The following EIF2AK3 variants were observed in gnomAD, a reference collection of about 807,000 sequenced individuals.
EIF2AK3 encodes the protein eukaryotic translation initiation factor 2 alpha kinase 3.
In EIF2AK3, 50 loss-of-function variants were observed where a neutral mutation model predicts 113.5. The ratio of observed to expected loss-of-function variants is 0.44; its 90% confidence interval spans 0.35 to 0.56. The LOEUF (loss-of-function observed/expected upper bound fraction) is 0.56. EIF2AK3 is among the 20% of genes least tolerant of loss of function. The pLI, the probability that EIF2AK3 is intolerant of heterozygous loss-of-function variation, is 0.00. For synonymous variants in EIF2AK3, 448 were observed against 495.4 expected, an observed-to-expected ratio of 0.90 and a Z score of 1.27; for missense variants, 1,185 against 1,378.0, an observed-to-expected ratio of 0.86 and a Z score of 2.22.
chr2:88,590,021 T>A (rs916969228), intron 6 of EIF2AK3, among the ~76,000 whole-genome samples: 1 of 152,156 alleles, frequency 6.6e-6, no homozygotes, highest in African/African-American at 2.4e-5. Context: ...GTGGATCACC[T>A]GAGGTCAGGT....
intron 13 of EIF2AK3, among the ~76,000 whole-genome samples, chr2:88,573,488 T>C (rs1362768801): frequency 1.3e-5 from 2 of 152,176 alleles, no homozygotes; most frequent in African/African-American, 2.4e-5. Context: ...ACCTAACTGC[T>C]AGTATTCTCT....
In EIF2AK3 at chr2:88,586,735, A is replaced by G. The variant is rs143661179; in HGVS notation, c.1430-674T>C. On this transcript the variant is annotated intron_variant, in intron 8 of 16. Coordinates refer to ENST00000303236, the MANE Select transcript of EIF2AK3 (RefSeq NM_004836.7). ...GCCTCCTGAGCAGCTGGGACTACAC[A>G]TGTGTACCACAATGCCTGGCTAATT... 2.6e-4 allele frequency among the ~76,000 whole-genome samples: 39 copies of G among 150,858 alleles called. 3 individuals are homozygous for G. The East Asian group carries it at 6.9e-3, about 27-fold the overall frequency.
intron 1 of EIF2AK3, among the ~76,000 whole-genome samples, chr2:88,625,284 TACACACACAC>T (rs375827301): frequency 8.4e-4 from 114 of 135,254 alleles, no homozygotes; most frequent in Admixed American, 1.6e-3. Context: ...ATCGCTTACG[TACACACACAC>T]ACACACACAC....
chr2:88,587,034 G>A (rs1344479880), intron 8 of EIF2AK3, among the ~76,000 whole-genome samples: 5 of 150,352 alleles, frequency 3.3e-5, no homozygotes, highest in East Asian at 2.0e-4. Flanking sequence ...GTGAAACCCC[G>A]TCTCTACTAA....
intron 14 of EIF2AK3, among the ~76,000 whole-genome samples, chr2:88,565,343 C>CTT (rs61470556): frequency 1.8e-4 from 22 of 124,394 alleles, no homozygotes; most frequent in Non-Finnish European, 3.1e-4. Context: ...GCCAAAAAAA[C>CTT]TTTTTTTTTT....
At position 88,570,950 on chromosome 2, in the gene EIF2AK3, G is replaced by A. The variant is rs751166753; in HGVS notation, c.2909C>T (p.Thr970Met). The A allele has an allele frequency of 1.6e-5, 26 of 1,613,994 alleles. No individual in the cohort carries two copies. Among genetic ancestry groups the A allele is most frequent in the African/African-American group, 6.7e-5 (5 of 74,890 alleles). Residue 970 changes from threonine (T) to methionine (M), a missense_variant, in exon 14 of 17, where the codon ACG (threonine) becomes ATG (methionine). Coordinates refer to ENST00000303236, the MANE Select transcript of EIF2AK3 (RefSeq NM_004836.7). ...TAMDQDEEEQ[T>M]VLTPMPAYAR... ...ATAAGCTGGCATTGGGGTCAGAACC[G>A]TCTGCTCTTCCTCATCCTGGTCCAT...
intron 1 of EIF2AK3, among the ~76,000 whole-genome samples, chr2:88,614,830 TC>T (rs1424145862): frequency 4.6e-5 from 7 of 152,204 alleles, no homozygotes; most frequent in Non-Finnish European, 8.8e-5. Context: ...TTAAAGTCAA[TC>T]TTCTCCCCTT....
chr2:88,590,245 C>T (rs1478181199), intron 6 of EIF2AK3, among the ~76,000 whole-genome samples, 198 bp downstream of exon 6: 1 of 151,878 alleles, frequency 6.6e-6, no homozygotes, highest in Non-Finnish European at 1.5e-5. Flanking sequence ...CCAACAACAA[C>T]AAAAAAATTT....
At chr2:88,568,571 A>G (rs1392918440) in intron 14 of EIF2AK3, among the ~76,000 whole-genome samples, 1 of 152,246 alleles carries the variant, frequency 6.6e-6, no homozygotes, top group African/African-American at 2.4e-5. Flanking sequence ...TTTATGCTCC[A>G]TACCAAAGTA....
intron 12 of EIF2AK3, 75 bp from the exon 13 acceptor site, chr2:88,575,521 T>C: frequency 6.5e-7 from 1 of 1,533,502 alleles, no homozygotes; most frequent in Non-Finnish European, 8.9e-7. Flanking sequence ...ACCCTCTGTT[T>C]AAAAAGCTTC....
Position 88,574,717 on chromosome 2 carries a change from T to C in EIF2AK3, c.2766A>G (p.Ala922=), listed in dbSNP as rs763457558. 2.8e-5 allele frequency: 45 copies of C among 1,614,094 alleles called. No individual in the cohort carries two copies. The Middle Eastern group carries it at 4.9e-4, about 18-fold the overall frequency. ...TACTGTGAAGAAACTCCACTGCCTCTGCGATCTGCAGGAAGATGTGCAGAC... is the reference window on the plus strand; with the variant it reads ...TACTGTGAAGAAACTCCACTGCCTCCGCGATCTGCAGGAAGATGTGCAGAC... ...SVCLHIFLQI[A]EAVEFLHSKG... The change falls in exon 13 of 17, where the codon GCA becomes GCG. Residue 922 remains alanine, a synonymous_variant. Coordinates refer to ENST00000303236, the MANE Select transcript of EIF2AK3 (RefSeq NM_004836.7).
At chr2:88,598,044 C>G (rs1237959088) in intron 2 of EIF2AK3, among the ~76,000 whole-genome samples, 1 of 151,994 alleles carries the variant, frequency 6.6e-6, no homozygotes, top group Admixed American at 6.6e-5. Context: ...CTTATTCTTT[C>G]AAAAAACAAG....
intron 10 of EIF2AK3, among the ~76,000 whole-genome samples, chr2:88,581,034 CATCTTAT>C (rs1428425402): frequency 2.0e-5 from 3 of 152,038 alleles, no homozygotes; most frequent in Non-Finnish European, 4.4e-5. Context: ...AAAAGAGTAA[CATCTTAT>C]ATGTGATTAC....
At chr2:88,620,615 C>A (rs1436904767) in intron 1 of EIF2AK3, among the ~76,000 whole-genome samples, 1 of 152,166 alleles carries the variant, frequency 6.6e-6, no homozygotes, top group Non-Finnish European at 1.5e-5. Flanking sequence ...CTGTAGGGGT[C>A]CTGGAGCCCT....
chr2:88,592,978 C>T (rs1463121945), intron 4 of EIF2AK3, among the ~76,000 whole-genome samples: 1 of 151,886 alleles, frequency 6.6e-6, no homozygotes, highest in African/African-American at 2.4e-5. Flanking sequence ...CCCGTCTCTA[C>T]TAAAAATACA....
chr2:88,597,816 T>G (rs913029386), intron 2 of EIF2AK3, among the ~76,000 whole-genome samples: 2 of 152,220 alleles, frequency 1.3e-5, no homozygotes, highest in African/African-American at 4.8e-5. Flanking sequence ...CACCGTGATA[T>G]CCTCAAAAAT....
chr2:88,590,627 G>A lies in EIF2AK3; in HGVS notation c.1003-22C>T, dbSNP rs148161560. The A allele has an allele frequency of 5.6e-6, 9 of 1,610,700 alleles. No individual in the cohort carries two copies. The African/African-American group carries it at 6.7e-5, about 12-fold the overall frequency. On this transcript the variant is annotated intron_variant, in intron 5 of 16. Coordinates refer to ENST00000303236, the MANE Select transcript of EIF2AK3 (RefSeq NM_004836.7). ...AAAACTAAACAAAAATGGAAAAAAG[G>A]TCTTAAATAATTCAAGCAGTAGTTA...
intron 2 of EIF2AK3, among the ~76,000 whole-genome samples, chr2:88,602,285 TCACC>T (rs1419570628): frequency 6.6e-6 from 1 of 152,188 alleles, no homozygotes; most frequent in African/African-American, 2.4e-5. Flanking sequence ...CAGAAGTAAC[TCACC>T]CACTATAAAA....
intron 4 of EIF2AK3, among the ~76,000 whole-genome samples, chr2:88,592,533 G>A (rs1211778964): frequency 6.6e-6 from 1 of 152,144 alleles, no homozygotes; most frequent in Non-Finnish European, 1.5e-5. Context: ...GGAGTCTGAG[G>A]TGGGTGGATC....
Sources: gnomAD v4.1 joint callset for allele counts (sites outside exome capture counted in the v4.1 genomes callset) on GRCh38, gnomAD v4.1.1 for gene constraint, MANE v1.5 for transcripts, NCBI Gene and HGNC (gene_info 2026-07-23, HGNC 2026-07-21) for gene names.